TCP11L1: variants seen among roughly 807,000 people sequenced by gnomAD.
TCP11L1 encodes the protein T-complex protein 11-like protein 1.
A neutral mutation model predicts 48.9 loss-of-function variants in TCP11L1; 28 were observed. The ratio of observed to expected loss-of-function variants is 0.57; its 90% CI spans 0.42 to 0.78. The LOEUF is 0.78. TCP11L1 is among the 30% of genes least tolerant of loss of function. TCP11L1 has a pLI of 0.00. For synonymous variants in TCP11L1, 204 were observed against 231.9 expected (o/e 0.88, Z 1.09); for missense variants, 505 against 613.4 (o/e 0.82, Z 1.87).
At chr11:33,066,496 G>A (rs1273907761) in intron 8 of TCP11L1, among the ~76,000 whole-genome samples, 1 of 152,106 alleles carries the variant, frequency 6.6e-6, no homozygotes, top group African/African-American at 2.4e-5. Flanking sequence ...GGGGAGCGCT[G>A]GTACCAATGG....
rs1854328857 is a variant in TCP11L1 at position 33,057,026 on chromosome 11, T to G, written c.297-89T>G. The stretch of plus-strand genomic sequence containing the variant: ...CAAATCACTGGGATTGATCTTACCC[T>G]AAACCCATAGTATTTGTGCTTTTGA... On this transcript the variant is annotated intron_variant, in intron 3 of 9. Coordinates refer to ENST00000334274, the MANE Select transcript of TCP11L1 (RefSeq NM_018393.4). 7 of 1,573,316 alleles carry G rather than the reference T, an allele frequency of 4.4e-6. No individual in the cohort carries two copies. The South Asian group carries it at 8.1e-5, about 18-fold the overall frequency.
intron 6 of TCP11L1, 112 bp downstream of exon 6, chr11:33,059,207 A>G: frequency 7.2e-7 from 1 of 1,393,652 alleles, no homozygotes; most frequent in East Asian, 2.3e-5. Context: ...TTAGTAGGAG[A>G]ATAGTCTAAT....
In TCP11L1 at chr11:33,070,983, C is replaced by A. The variant is rs1015074634; in HGVS notation, c.1328-1491C>A. The stretch of plus-strand genomic sequence containing the variant: ...CGCCACTGCACTCCAGCCTGGGAGA[C>A]GAGGGAAACTCCATCTCAAAAAAGA... On this transcript the variant is annotated intron_variant, in intron 9 of 9. Coordinates refer to ENST00000334274, the MANE Select transcript of TCP11L1 (RefSeq NM_018393.4). Among the ~76,000 whole-genome samples the A allele has an allele frequency of 6.0e-5, 9 of 149,724 alleles. No homozygotes were observed. The Admixed American group carries it at 6.0e-4, about 10-fold the overall frequency.
intron 1 of TCP11L1, among the ~76,000 whole-genome samples, chr11:33,041,752 T>TC (rs71456167): frequency 6.8e-6 from 1 of 147,590 alleles, no homozygotes; most frequent in Non-Finnish European, 1.5e-5. Context: ...CAAGAGTCTG[T>TC]CCCCAAAAAA....
intron 7 of TCP11L1, among the ~76,000 whole-genome samples, chr11:33,064,210 G>C (rs761613172): frequency 6.6e-6 from 1 of 152,212 alleles, no homozygotes; most frequent in Non-Finnish European, 1.5e-5. Flanking sequence ...GGGGACAGCT[G>C]TCTACTCCAG....
intron 9 of TCP11L1, 25 bp downstream of exon 9, chr11:33,068,884 A>C: frequency 9.4e-6 from 15 of 1,603,804 alleles, no homozygotes; most frequent in Non-Finnish European, 1.3e-5. Flanking sequence ...GGCAGGCAGC[A>C]GGGATGTGCC....
intron 5 of TCP11L1, 62 bp from the exon 6 acceptor site, chr11:33,058,897 C>G (rs1464114925): frequency 1.3e-6 from 2 of 1,584,402 alleles, no homozygotes; most frequent in African/African-American, 2.7e-5. Flanking sequence ...GTCTGGTCCT[C>G]TTTTCCTTTA....
intron 2 of TCP11L1, among the ~76,000 whole-genome samples, chr11:33,050,458 A>ATT (rs1854126245): frequency 6.6e-6 from 1 of 152,164 alleles, no homozygotes; most frequent in Admixed American, 6.5e-5. Context: ...TGGAAGTTTC[A>ATT]TTTTCTGATA....
chr11:33,068,856 A>G lies in TCP11L1; in HGVS notation c.1324A>G (p.Met442Val), dbSNP rs748051561. ...TCCCGATGACCCCATTCGCAGGATC[A>G]TGGGTACGTTTGGGGAAGGCAGGCA... ...ASPDDPIRRI[M>V]ESRILTFLET... is the part of the protein sequence containing the mutation. The change falls in exon 9 of 10, where the codon ATG becomes GTG. Residue 442 changes from methionine to valine, a missense_variant. Coordinates refer to ENST00000334274, the MANE Select transcript of TCP11L1 (RefSeq NM_018393.4). The G allele has an allele frequency of 6.2e-7, 1 of 1,611,124 alleles. No individual in the cohort carries two copies. The highest frequency in any genetic ancestry group is 1.7e-5 in the Admixed American group (1 of 59,946).
chr11:33,072,608 A>C lies in TCP11L1; in HGVS notation c.1462A>C (p.Asn488His), dbSNP rs1315822956. The part of the protein sequence containing the change: ...EVAIKFARLV[N>H]YNKMVFCPYY... ...TGCTATTAAATTTGCTCGCCTGGTC[A>C]ACTATAACAAGATGGTCTTCTGTCC... The change falls in exon 10 of 10, where the codon AAC (asparagine) becomes CAC (histidine). Residue 488 changes from asparagine to histidine, a missense_variant. Asn to His is a moderately conservative substitution (Grantham distance 68). Transcript: ENST00000334274. 6 of 1,614,040 alleles carry C rather than the reference A, an allele frequency of 3.7e-6. No homozygotes were observed. Among genetic ancestry groups the C allele is most frequent in the Non-Finnish European group, 4.2e-6 (5 of 1,180,034 alleles).
intron 6 of TCP11L1, among the ~76,000 whole-genome samples, chr11:33,059,689 G>A (rs1233195535): frequency 1.3e-5 from 2 of 152,210 alleles, no homozygotes; most frequent in African/African-American, 4.8e-5. Flanking sequence ...AATGTATGAT[G>A]AATTCCATTT....
chr11:33,071,082 G>C (rs779557701), intron 9 of TCP11L1, among the ~76,000 whole-genome samples: 24 of 150,188 alleles, frequency 1.6e-4, no homozygotes, highest in Non-Finnish European at 2.5e-4. Flanking sequence ...TGGGAGGCGG[G>C]GGCAGACGGA....
intron 9 of TCP11L1, among the ~76,000 whole-genome samples, chr11:33,070,549 G>A (rs1854752469): frequency 6.6e-6 from 1 of 152,068 alleles, no homozygotes; most frequent in African/African-American, 2.4e-5. Flanking sequence ...GCCAGGCATG[G>A]TGGTGCATGC....
rs550477945 is a variant in TCP11L1 at position 33,067,174 on chromosome 11, C to T, written c.1154+1163C>T. ...TAATGCATCATTTTCTTACCCAGCA[C>T]GAGTCCGCATCTGCACGCGTGCAGG... is the stretch of plus-strand genomic sequence containing the variant. On this transcript the variant is annotated intron_variant, in intron 8 of 9. Transcript: ENST00000334274. 8.5e-5 allele frequency among the ~76,000 whole-genome samples: 13 copies of T among 152,232 alleles called. 1 individual carries two copies. Among genetic ancestry groups the T allele is most frequent in the Middle Eastern group, 6.8e-3 (2 of 294 alleles).
At chr11:33,041,833 T>A (rs1853843525) in intron 1 of TCP11L1, among the ~76,000 whole-genome samples, 1 of 152,162 alleles carries the variant, frequency 6.6e-6, no homozygotes, top group South Asian at 2.1e-4. Context: ...TCTCTGAAAT[T>A]TCACATAATT....
chr11:33,068,400 T>G (rs1854680735), intron 8 of TCP11L1, among the ~76,000 whole-genome samples: 1 of 151,930 alleles, frequency 6.6e-6, no homozygotes, highest in African/African-American at 2.4e-5. Context: ...CAGGCTGATT[T>G]TATCACACAG....
intron 2 of TCP11L1, among the ~76,000 whole-genome samples, chr11:33,044,441 T>C (rs909475463): frequency 1.3e-5 from 2 of 152,182 alleles, no homozygotes; most frequent in African/African-American, 4.8e-5. Flanking sequence ...GCCTCTTAAA[T>C]GAAAGGGTGG....
intron 5 of TCP11L1, among the ~76,000 whole-genome samples, chr11:33,058,401 G>T (rs757393262): frequency 6.6e-6 from 1 of 152,010 alleles, no homozygotes; most frequent in Non-Finnish European, 1.5e-5. Context: ...GTTTCACTAC[G>T]TTGGCCAGGC....
chr11:33,054,507 G>T (rs998840197), intron 2 of TCP11L1, 86 bp from the exon 3 acceptor site: 5 of 1,495,024 alleles, frequency 3.3e-6, no homozygotes, highest in Non-Finnish European at 3.6e-6. Flanking sequence ...TGAAATTATT[G>T]TCTGGTACCA....
Sources: allele counts gnomAD v4.1 joint callset (sites outside exome capture counted in the v4.1 genomes callset), GRCh38; gene constraint gnomAD v4.1.1; transcripts MANE v1.5; gene names NCBI Gene and HGNC (gene_info 2026-07-23, HGNC 2026-07-21).